The following ARVCF variants were observed in gnomAD, a reference collection of about 807,000 sequenced individuals.
ARVCF encodes ARVCF delta catenin family member.
A neutral mutation model predicts 90.9 loss-of-function variants in ARVCF; 66 were observed. The ratio of observed to expected loss-of-function variants is 0.73; its 90% CI spans 0.60 to 0.89. The LOEUF is 0.89. ARVCF is among the 40% of genes least tolerant of loss of function. ARVCF has a pLI of 0.00. For synonymous variants in ARVCF, 653 were observed against 603.4 expected (o/e 1.08, Z -1.21); for missense variants, 1,469 against 1,382.3 (o/e 1.06, Z -1.00).
chr22:20,008,236 C>T (rs898447336), intron 2 of ARVCF, among the ~76,000 whole-genome samples: 3 of 152,286 alleles, frequency 2.0e-5, no homozygotes, highest in South Asian at 2.1e-4. Flanking sequence ...GAGACGAAGC[C>T]GCAACCCCCT....
At chr22:19,985,391 G>A (rs1943712195) in intron 3 of ARVCF, among the ~76,000 whole-genome samples, 1 of 152,212 alleles carries the variant, frequency 6.6e-6, no homozygotes, top group Non-Finnish European at 1.5e-5. Flanking sequence ...TGGGCTTGTG[G>A]GAGGGGCCAG....
At chr22:19,971,465 C>G (rs183612136) in intron 18 of ARVCF, 130 bp from the exon 19 acceptor site, 2 of 1,180,470 alleles carry the variant, frequency 1.7e-6, no homozygotes, top group African/African-American at 1.5e-5. Flanking sequence ...CAGGTAGCAC[C>G]AAGGGCGCAG....
intron 2 of ARVCF, among the ~76,000 whole-genome samples, chr22:20,003,962 G>A (rs1601670404): frequency 2.6e-5 from 4 of 152,086 alleles, no homozygotes; most frequent in South Asian, 2.1e-4. Context: ...ATATAAAACC[G>A]TAAAGATTCT....
intron 10 of ARVCF, 120 bp downstream of exon 10, chr22:19,976,586 T>C (rs1943164426): frequency 1.5e-6 from 2 of 1,336,286 alleles, no homozygotes; most frequent in South Asian, 1.4e-5. Context: ...GTCATAAAGA[T>C]GGCAGCCCGA....
chr22:19,996,000 G>A (rs897596041), intron 2 of ARVCF, among the ~76,000 whole-genome samples: 1 of 152,184 alleles, frequency 6.6e-6, no homozygotes, highest in Non-Finnish European at 1.5e-5. Flanking sequence ...AGGCCTTGTG[G>A]GGGCCCCATG....
At chr22:19,978,546 G>A (rs890176813) in intron 7 of ARVCF, among the ~76,000 whole-genome samples, 1 of 152,168 alleles carries the variant, frequency 6.6e-6, no homozygotes, top group Non-Finnish European at 1.5e-5. Context: ...CCAGGGGTAG[G>A]AGGGGAAGGG....
chr22:20,007,387 G>GCGAGACTC (rs1944668873), intron 2 of ARVCF, among the ~76,000 whole-genome samples: 1 of 152,260 alleles, frequency 6.6e-6, no homozygotes, highest in African/African-American at 2.4e-5. Context: ...GGGTGACAGA[G>GCGAGACTC]CGAGACTCCG....
downstream of ARVCF, chr22:19,966,946 T>G: frequency 1.0e-6 from 1 of 985,344 alleles, no homozygotes; most frequent in Non-Finnish European, 1.2e-6. Flanking sequence ...GGCATTAGAT[T>G]TTCAGTCCTG....
rs907541221 is a variant in ARVCF, at chr22:19,986,983, A to G, written c.210+3602T>C. 7 of 634,730 alleles carry G rather than the reference A, an allele frequency of 1.1e-5. No individual in the cohort carries two copies. In the African/African-American group the frequency reaches 1.1e-4, roughly 10 times the overall value. The allele number at this position is 634,730 out of a possible 1,614,324, so 39.3% of individuals were successfully genotyped here. On this transcript the variant is annotated intron_variant, in intron 3 of 19. Coordinates refer to ENST00000263207, the MANE Select transcript of ARVCF (RefSeq NM_001670.3). ...CTGCCTCGGGCCAGCGGCTCCGCGG[A>G]ACAAAAGCGGGTCCTCCCGGGCAGG...
intron 2 of ARVCF, among the ~76,000 whole-genome samples, chr22:20,006,960 G>A (rs1439959185): frequency 6.6e-6 from 1 of 151,662 alleles, no homozygotes; most frequent in African/African-American, 2.4e-5. Flanking sequence ...TATATCAAAG[G>A]TAAAAATTTA....
At chr22:19,994,673 T>TGGGGGATGGG (rs1944170637) in intron 2 of ARVCF, among the ~76,000 whole-genome samples, 1 of 6,606 alleles carries the variant, frequency 1.5e-4, no homozygotes, top group Non-Finnish European at 2.7e-4. Context: ...GATGGGTGGG[T>TGGGGGATGGG]GGGGGATGGT....
chr22:19,973,015 C>T lies in ARVCF; in HGVS notation c.2460G>A (p.Lys820=). ...VASSQSVREA[K]AASHVLQTVW... is the part of the protein sequence containing the mutation. ...CTGTCTGCAGCACGTGTGACGCCGC[C>T]TTCGCTTCGCGTACCGATTGGCTGT... Residue 820 remains lysine (K), a synonymous_variant, in exon 15 of 20, where the codon AAG becomes AAA. Coordinates refer to ENST00000263207, the MANE Select transcript of ARVCF (RefSeq NM_001670.3). 1.9e-6 allele frequency: 3 copies of T among 1,613,330 alleles called. No homozygotes were observed. The highest frequency in any genetic ancestry group is 1.1e-5 in the South Asian group (1 of 91,090).
At chr22:19,980,957 T>C in intron 5 of ARVCF, 1 of 479,410 alleles carries the variant, frequency 2.1e-6, no homozygotes, top group Non-Finnish European at 3.6e-6. Context: ...ACCCAGAGTG[T>C]GGCTGGAGCA....
chr22:20,000,438 C>A (rs1458984098), intron 2 of ARVCF, among the ~76,000 whole-genome samples: 1 of 152,260 alleles, frequency 6.6e-6, no homozygotes, highest in Non-Finnish European at 1.5e-5. Flanking sequence ...CACAGAGGGC[C>A]AGGCAGGGGG....
At chr22:19,997,430 A>T (rs1449706000) in intron 2 of ARVCF, among the ~76,000 whole-genome samples, 1 of 152,188 alleles carries the variant, frequency 6.6e-6, no homozygotes, top group Admixed American at 6.5e-5. Flanking sequence ...CAACAGCAGC[A>T]TCCTTTAAGT....
intron 3 of ARVCF, among the ~76,000 whole-genome samples, chr22:19,984,590 C>T (rs1338240476): frequency 2.0e-5 from 3 of 152,188 alleles, no homozygotes; most frequent in South Asian, 2.1e-4. Context: ...ATATACATGA[C>T]CCCTCAGACA....
At position 19,981,356 on chromosome 22, in the gene ARVCF, G is replaced by A; in HGVS notation, c.751C>T (p.Pro251Ser). The A allele has an allele frequency of 6.2e-7, 1 of 1,605,298 alleles. No individual in the cohort carries two copies. Among genetic ancestry groups the A allele is most frequent in the Non-Finnish European group, 8.5e-7 (1 of 1,177,014 alleles). Residue 251 changes from proline (P) to serine (S), a missense_variant, in exon 5 of 20, where the codon CCC becomes TCC. Physicochemically the swap from Pro to Ser is moderately conservative, Grantham distance 74. Coordinates refer to ENST00000263207, the MANE Select transcript of ARVCF (RefSeq NM_001670.3). ...EPGPPGGRSL[P>S]ERFQAEPYGL... ...TACGGCTCTGCCTGGAAGCGCTCGG[G>A]CAGGGAGCGGCCACCTGGTGGCCCA...
Position 19,974,104 on chromosome 22 carries a change from T to C in ARVCF, c.2088+8A>G, listed in dbSNP as rs1351838865. 1.2e-6 allele frequency: 2 copies of C among 1,604,778 alleles called. No homozygotes were observed. The highest frequency in any genetic ancestry group is 1.3e-5 in the African/African-American group (1 of 74,870). ...GACTTGCCCACCCTGCCCGACCTGG[T>C]CCCTCACCATCCAGTTGCCGGCACT... On this transcript the variant is annotated splice_region_variant and intron_variant, in intron 12 of 19. Coordinates refer to ENST00000263207, the MANE Select transcript of ARVCF (RefSeq NM_001670.3).
intron 1 of ARVCF, among the ~76,000 whole-genome samples, chr22:20,014,257 T>C (rs892214433): frequency 2.6e-5 from 4 of 151,838 alleles, no homozygotes; most frequent in Non-Finnish European, 4.4e-5. Flanking sequence ...TGCAGTGGTG[T>C]GATCTTGGCT....
Sources: allele counts gnomAD v4.1 joint callset (sites outside exome capture counted in the v4.1 genomes callset), GRCh38; gene constraint gnomAD v4.1.1; transcripts MANE v1.5; gene names NCBI Gene and HGNC (gene_info 2026-07-23, HGNC 2026-07-21).